KCNQ5: variants seen among roughly 807,000 people sequenced by gnomAD.
KCNQ5 encodes the protein potassium voltage-gated channel subfamily KQT member 5.
In KCNQ5, 30 loss-of-function variants were observed where a neutral mutation model predicts 98.2. The observed-to-expected ratio is 0.31, with a 90% CI of 0.23 to 0.41. KCNQ5 has a LOEUF of 0.41. KCNQ5 is among the 10% of genes least tolerant of loss of function. The pLI is 1.00. For synonymous variants in KCNQ5, 458 were observed against 449.4 expected (o/e 1.02, Z -0.24); for missense variants, 835 against 1,182.5 (o/e 0.71, Z 4.31).
At chr6:72,858,471 C>T (rs1257195520) in intron 1 of KCNQ5, among the ~76,000 whole-genome samples, 2 of 151,410 alleles carry the variant, frequency 1.3e-5, no homozygotes, top group African/African-American at 4.8e-5. Flanking sequence ...AACATGTATA[C>T]ATATTTATAT....
chr6:72,634,843 C>T (rs2098923105), intron 1 of KCNQ5, among the ~76,000 whole-genome samples: 1 of 152,124 alleles, frequency 6.6e-6, no homozygotes, highest in African/African-American at 2.4e-5. Flanking sequence ...GCTGGGATTA[C>T]AGGCGTGAGC....
intron 2 of KCNQ5, among the ~76,000 whole-genome samples, chr6:73,028,126 T>TG (rs949323974): frequency 1.3e-5 from 2 of 152,168 alleles, no homozygotes; most frequent in Non-Finnish European, 2.9e-5. Context: ...CTCTTTATTA[T>TG]GGGGGAAAAA....
intron 1 of KCNQ5, among the ~76,000 whole-genome samples, chr6:72,826,536 AG>A (rs1776001904): frequency 2.0e-5 from 3 of 150,714 alleles, no homozygotes; most frequent in East Asian, 3.9e-4. Context: ...TGTCTCCTAT[AG>A]GTTCCTGCTA....
chr6:73,183,630 A>G (rs1778475330), intron 11 of KCNQ5, among the ~76,000 whole-genome samples: 1 of 152,212 alleles, frequency 6.6e-6, no homozygotes, highest in Admixed American at 6.5e-5. Context: ...GGAGGACAAT[A>G]CTAAATACTC....
chr6:73,098,147 A>G (rs1774599331), intron 5 of KCNQ5, among the ~76,000 whole-genome samples: 1 of 152,168 alleles, frequency 6.6e-6, no homozygotes, highest in Non-Finnish European at 1.5e-5. Flanking sequence ...AAGAATCATC[A>G]GAGTCCCTTA....
In KCNQ5 at chr6:73,133,463, C is replaced by T; in HGVS notation, c.1290C>T (p.Pro430=). The T allele has an allele frequency of 1.9e-6, 3 of 1,614,144 alleles. No individual in the cohort carries two copies. Among genetic ancestry groups the T allele is most frequent in the Non-Finnish European group, 2.5e-6 (3 of 1,180,034 alleles). The change falls in exon 10 of 14, where the codon CCC becomes CCT. Residue 430 remains proline (P), a synonymous_variant. Coordinates refer to ENST00000370398, the MANE Select transcript of KCNQ5 (RefSeq NM_019842.4). ...SFKERVRMAS[P]RGQSIKSRQA... ...AGGAGCGAGTGCGCATGGCTAGCCC[C>T]AGGGGCCAGAGTATTAAGAGCCGAC...
intron 6 of KCNQ5, among the ~76,000 whole-genome samples, chr6:73,105,946 C>G (rs1044756960): frequency 1.3e-5 from 2 of 152,110 alleles, no homozygotes; most frequent in Non-Finnish European, 2.9e-5. Context: ...ATGAAGCCTG[C>G]CTTTCTCATA....
intron 1 of KCNQ5, among the ~76,000 whole-genome samples, chr6:72,917,418 G>A (rs986122894): frequency 6.0e-5 from 9 of 150,062 alleles, no homozygotes; most frequent in African/African-American, 2.3e-4. Context: ...AGATTCTGGG[G>A]GATTTAGGAG....
intron 1 of KCNQ5, among the ~76,000 whole-genome samples, chr6:72,807,753 A>G (rs1336503342): frequency 6.6e-6 from 1 of 152,094 alleles, no homozygotes. Flanking sequence ...ACCTCAAGCA[A>G]TCCTCCCACC....
At chr6:73,125,399 G>A (rs1441942131) in intron 9 of KCNQ5, 1 of 517,914 alleles carries the variant, frequency 1.9e-6, no homozygotes, top group Non-Finnish European at 3.9e-6. Flanking sequence ...GATGTGAAGA[G>A]TGGCAGAGGC....
At chr6:72,975,902 C>T (rs1414577022) in intron 1 of KCNQ5, among the ~76,000 whole-genome samples, 3 of 152,172 alleles carry the variant, frequency 2.0e-5, no homozygotes, top group Non-Finnish European at 4.4e-5. Context: ...CAAAGAGCTG[C>T]ACTGAGATTT....
chr6:72,691,440 G>T (rs1768209096), intron 1 of KCNQ5, among the ~76,000 whole-genome samples: 1 of 152,164 alleles, frequency 6.6e-6, no homozygotes, highest in South Asian at 2.1e-4. Flanking sequence ...GTCGTATTTT[G>T]AGTTAGCAGA....
At chr6:73,058,137 G>T (rs1475354088) in intron 3 of KCNQ5, among the ~76,000 whole-genome samples, 1 of 152,186 alleles carries the variant, frequency 6.6e-6, no homozygotes, top group Non-Finnish European at 1.5e-5. Context: ...AACTGGCCGG[G>T]CACGGTGGCT....
At chr6:72,713,797 G>A (rs1035228892) in intron 1 of KCNQ5, among the ~76,000 whole-genome samples, 5 of 152,142 alleles carry the variant, frequency 3.3e-5, no homozygotes, top group African/African-American at 1.2e-4. Context: ...CTTTACAGTA[G>A]AGTAAAACTT....
intron 1 of KCNQ5, among the ~76,000 whole-genome samples, chr6:72,633,377 C>T (rs1366798292): frequency 2.0e-5 from 3 of 152,072 alleles, no homozygotes; most frequent in Admixed American, 1.3e-4. Flanking sequence ...TGTAAGTTGT[C>T]TGTTTATAAA....
chr6:72,661,492 A>G (rs1043060930), intron 1 of KCNQ5, among the ~76,000 whole-genome samples: 1 of 152,174 alleles, frequency 6.6e-6, no homozygotes, highest in Non-Finnish European at 1.5e-5. Flanking sequence ...TTACTGTAAC[A>G]TAATTGAGAA....
intron 1 of KCNQ5, among the ~76,000 whole-genome samples, chr6:72,773,536 G>A (rs1295822013): frequency 6.6e-6 from 1 of 152,068 alleles, no homozygotes; most frequent in East Asian, 1.9e-4. Context: ...AACCACCATG[G>A]CATGTGTATA....
chr6:73,144,965 C>G (rs940885282), intron 10 of KCNQ5, among the ~76,000 whole-genome samples: 5 of 152,232 alleles, frequency 3.3e-5, no homozygotes, highest in Admixed American at 3.3e-4. Context: ...ATGCAAGAGA[C>G]AGAGAAAGAG....
chr6:72,645,293 G>A (rs777667654), intron 1 of KCNQ5, among the ~76,000 whole-genome samples: 2 of 151,374 alleles, frequency 1.3e-5, no homozygotes, highest in East Asian at 1.9e-4. Context: ...GGCTGTGGAG[G>A]GAGGATCACC....
Sources: gnomAD v4.1 joint callset for allele counts (sites outside exome capture counted in the v4.1 genomes callset) on GRCh38, gnomAD v4.1.1 for gene constraint, MANE v1.5 for transcripts, NCBI Gene and HGNC (gene_info 2026-07-23, HGNC 2026-07-21) for gene names.